The following NAV1 variants were observed in gnomAD, a reference collection of about 807,000 sequenced individuals.
NAV1 encodes neuron navigator 1.
In NAV1, 18 loss-of-function variants were observed where a neutral mutation model predicts 175.2. That is an observed-to-expected ratio of 0.10 (90% CI 0.07 to 0.15). The LOEUF is 0.15. Among genes scored for constraint, NAV1 ranks in the 10% least tolerant of loss-of-function variants. NAV1 has a pLI of 1.00. For synonymous variants in NAV1, 897 were observed against 978.7 expected, an observed-to-expected ratio of 0.92 and a Z score of 1.56; for missense variants, 1,731 against 2,436.6, an observed-to-expected ratio of 0.71 and a Z score of 6.10.
intron 3 of NAV1, among the ~76,000 whole-genome samples, chr1:201,741,651 C>T (rs116792905): frequency 6.6e-6 from 1 of 152,340 alleles, no homozygotes; most frequent in African/African-American, 2.4e-5. Context: ...CTCTTAAATT[C>T]TTTGCTTCCC....
intron 2 of NAV1, among the ~76,000 whole-genome samples, chr1:201,636,418 G>T (rs1192104085): frequency 6.6e-6 from 1 of 152,204 alleles, no homozygotes; most frequent in Non-Finnish European, 1.5e-5. Flanking sequence ...AGAGAGAGGT[G>T]ACACAGACAC....
At position 201,808,321 on chromosome 1, in the gene NAV1, G is replaced by T; in HGVS notation, c.3846-97G>T. The stretch of plus-strand genomic sequence containing the variant: ...TCTCATGCTGATTGAATATCAATGG[G>T]CAGGAGAAGCCAAGACCACCAACCA... On this transcript the variant is annotated intron_variant, in intron 18 of 29. Coordinates refer to ENST00000367296, the Ensembl canonical transcript of NAV1. This position sits in a 1 kb window ranked among gnomAD's most constrained non-coding sequence, Gnocchi z 5.5. 1 of 1,435,536 alleles carries T rather than the reference G, an allele frequency of 7.0e-7. No individual in the cohort carries two copies. The highest frequency in any genetic ancestry group is 2.2e-5 in the Admixed American group (1 of 45,764). 88.9% of individuals were successfully genotyped at this position (1,435,536 alleles called of 1,614,324 possible). A position where few individuals can be genotyped will look rare whatever the true frequency, so the allele number is the denominator to read the frequency against.
chr1:201,703,893 C>A (rs1052610814), intron 1 of NAV1, among the ~76,000 whole-genome samples: 1 of 152,154 alleles, frequency 6.6e-6, no homozygotes, highest in Non-Finnish European at 1.5e-5. Context: ...TCAGGCAGCT[C>A]CCAGCCTCAA....
At position 201,633,439 on chromosome 1, in the gene NAV1, T is replaced by C. The variant is rs553468994; in HGVS notation, c.4+3932T>C. 4.6e-5 allele frequency among the ~76,000 whole-genome samples: 7 copies of C among 152,234 alleles called. No individual in the cohort carries two copies. In the South Asian group the frequency reaches 1.2e-3, roughly 27 times the overall value. On this transcript the variant is annotated intron_variant, in intron 2 of 29. Coordinates refer to the NAV1 transcript ENST00000367302. Reference sequence around the variant, plus strand: ...TCCAGCTAGGAGGCTGTGCCAGGATTCCATCCCAGGCTTGTCAAAAGGCCA... The same window carrying C: ...TCCAGCTAGGAGGCTGTGCCAGGATCCCATCCCAGGCTTGTCAAAAGGCCA...
At chr1:201,690,599 C>G (rs1670877872) in intron 1 of NAV1, among the ~76,000 whole-genome samples, 1 of 150,892 alleles carries the variant, frequency 6.6e-6, no homozygotes, top group African/African-American at 2.4e-5. Context: ...TCTGTTTCCT[C>G]TGTGGCTCGT....
At chr1:201,821,773 G>C (rs1236034242) in exon 30 of NAV1, 1 of 152,168 alleles carries the variant, frequency 6.6e-6, no homozygotes, top group African/African-American at 2.4e-5. Flanking sequence ...TGCTTGTCAG[G>C]AATGGGCAAG....
chr1:201,682,897 G>A (rs1211577221), intron 1 of NAV1, among the ~76,000 whole-genome samples: 1 of 152,198 alleles, frequency 6.6e-6, no homozygotes. Flanking sequence ...CTAGTACAGA[G>A]GGTTGACATA....
chr1:201,666,055 G>GTCA (rs1669811927), intron 1 of NAV1, among the ~76,000 whole-genome samples: 1 of 152,040 alleles, frequency 6.6e-6, no homozygotes, highest in Non-Finnish European at 1.5e-5. Flanking sequence ...TCACCCATCG[G>GTCA]TAAGTCCCTC....
At chr1:201,767,021 G>A (rs925450926) in intron 3 of NAV1, among the ~76,000 whole-genome samples, 6 of 151,388 alleles carry the variant, frequency 4.0e-5, no homozygotes, top group Middle Eastern at 3.2e-3. Flanking sequence ...AGGGTTTCAC[G>A]ATGTTGGCCA....
intron 1 of NAV1, among the ~76,000 whole-genome samples, chr1:201,671,346 C>G (rs1558054087): frequency 6.6e-6 from 1 of 152,052 alleles, no homozygotes; most frequent in African/African-American, 2.4e-5. Context: ...TTAAGGTGCT[C>G]CCTCTTCAAA....
At chr1:201,744,909 T>A (rs962034907) in intron 3 of NAV1, among the ~76,000 whole-genome samples, 1 of 152,216 alleles carries the variant, frequency 6.6e-6, no homozygotes, top group South Asian at 2.1e-4. Flanking sequence ...TTTTCACTGC[T>A]ATCTGGAGGA....
rs750067993 is a variant in NAV1, at chr1:201,808,119, C to T, written c.3815C>T (p.Thr1272Ile). 30 of 1,614,120 alleles carry T rather than the reference C, an allele frequency of 1.9e-5. No individual in the cohort carries two copies. Among genetic ancestry groups the T allele is most frequent in the Non-Finnish European group, 2.5e-5 (30 of 1,180,054 alleles). The change falls in exon 18 of 30, where the codon ACC (threonine) becomes ATC (isoleucine). Residue 1272 changes from threonine (T) to isoleucine (I), a missense_variant. This residue lies in a region of NAV1 where 146 missense variants were observed against 176.8 expected (regional missense o/e 0.83). Transcript: ENST00000367296. This position sits in a 1 kb window ranked among gnomAD's most constrained non-coding sequence, Gnocchi z 5.5. ...GCTTCACCCTCCATCAAGTCCTCCACCTCGTCCTCCGTGGGCACTGATGTC... is the reference window on the plus strand; with the variant it reads ...GCTTCACCCTCCATCAAGTCCTCCATCTCGTCCTCCGTGGGCACTGATGTC...
At chr1:201,693,940 G>T (rs1227886098) in intron 1 of NAV1, among the ~76,000 whole-genome samples, 1 of 152,198 alleles carries the variant, frequency 6.6e-6, no homozygotes, top group Non-Finnish European at 1.5e-5. Flanking sequence ...GGGGGCTGGG[G>T]GCAGGACCTG....
intron 1 of NAV1, among the ~76,000 whole-genome samples, chr1:201,685,081 G>T (rs1670633082): frequency 6.8e-6 from 1 of 146,452 alleles, no homozygotes; most frequent in Admixed American, 6.9e-5. Flanking sequence ...AATTCGCACT[G>T]GCCAACATGG....
intron 1 of NAV1, among the ~76,000 whole-genome samples, chr1:201,696,477 G>T (rs948615095): frequency 6.6e-5 from 10 of 152,300 alleles, no homozygotes; most frequent in East Asian, 5.8e-4. Flanking sequence ...AGGAAGCATT[G>T]GACAGGAGCA....
At chr1:201,799,171 A>G (rs550086725) in intron 15 of NAV1, among the ~76,000 whole-genome samples, 1 of 118,960 alleles carries the variant, frequency 8.4e-6, no homozygotes, top group Admixed American at 9.2e-5. Context: ...AAATTGTTCA[A>G]GAAACTGTGT....
intron 1 of NAV1, among the ~76,000 whole-genome samples, chr1:201,670,246 G>A (rs930339210): frequency 6.6e-6 from 1 of 151,492 alleles, no homozygotes; most frequent in Non-Finnish European, 1.5e-5. Flanking sequence ...CGGGCGTGGT[G>A]GTGGGCACCT....
chr1:201,552,093 G>A (rs1665871308), intron 1 of NAV1, among the ~76,000 whole-genome samples: 1 of 152,242 alleles, frequency 6.6e-6, no homozygotes, highest in African/African-American at 2.4e-5. Context: ...GAAGTGGATG[G>A]GAATGGCCAC....
intron 1 of NAV1, among the ~76,000 whole-genome samples, chr1:201,686,044 T>G (rs1199997352): frequency 6.6e-6 from 1 of 152,196 alleles, no homozygotes; most frequent in Non-Finnish European, 1.5e-5. Flanking sequence ...CTCAGCTCAC[T>G]GCTTTTATTT....
Sources: gnomAD v4.1 joint callset for allele counts (sites outside exome capture counted in the v4.1 genomes callset) on GRCh38, gnomAD v4.1.1 for gene constraint, gnomAD v4.1.1 regional missense constraint, Gnocchi (gnomAD v3.1) non-coding constraint, MANE v1.5 for transcripts, NCBI Gene and HGNC (gene_info 2026-07-23, HGNC 2026-07-21) for gene names.